The following FAM170A variants were observed in gnomAD, a reference collection of about 807,000 sequenced individuals.
The protein encoded by FAM170A is family with sequence similarity 170 member A, also known as protein FAM170A.
FAM170A carries 28 observed loss-of-function variants against 36.6 expected under a neutral mutation model. The observed-to-expected ratio is 0.76, with a 90% CI of 0.57 to 1.05. The LOEUF is 1.05. Ranked by LOEUF, FAM170A falls within the 50% of genes least tolerant of loss-of-function variation. The probability of loss-of-function intolerance (pLI) is 0.00; values close to 1 mark genes in which losing one functional copy is unlikely to be tolerated. For synonymous variants in FAM170A, 156 were observed against 143.9 expected (o/e 1.08, Z -0.60); for missense variants, 434 against 396.5 (o/e 1.09, Z -0.80).
intron 3 of FAM170A, 64 bp downstream of exon 3, chr5:119,634,798 T>TC (rs1756344459): frequency 6.8e-7 from 1 of 1,467,146 alleles, no homozygotes. Context: ...CAGTACTGTC[T>TC]CCCCAGTTCA....
chr5:119,629,885 C>T (rs1218157179), intron 1 of FAM170A, 47 bp downstream of exon 1: 2 of 1,435,308 alleles, frequency 1.4e-6, no homozygotes, highest in Admixed American at 1.8e-5. Flanking sequence ...ACTGGCCAGC[C>T]TGAGCCGCCT....
chr5:119,632,883 A>C, exon 2 of FAM170A: 2 of 1,605,010 alleles, frequency 1.2e-6, no homozygotes, highest in Admixed American at 1.7e-5. Flanking sequence ...AAGCTCATCC[A>C]CAGTGGTAAG....
chr5:119,633,730 G>A (rs188235609), intron 2 of FAM170A, among the ~76,000 whole-genome samples: 59 of 152,024 alleles, frequency 3.9e-4, no homozygotes, highest in African/African-American at 1.4e-3. Context: ...ATATGCTGCA[G>A]TCCTCACCAC....
intron 2 of FAM170A, among the ~76,000 whole-genome samples, chr5:119,633,235 A>C (rs976108383): frequency 1.3e-5 from 2 of 152,156 alleles, no homozygotes; most frequent in African/African-American, 4.8e-5. Flanking sequence ...CCATAGATCC[A>C]AGGATGAGGC....
exon 1 of FAM170A, chr5:119,629,627 T>C: frequency 1.1e-5 from 7 of 637,314 alleles, no homozygotes; most frequent in Non-Finnish European, 1.9e-5. Flanking sequence ...GTCTGAGTTC[T>C]TTAGCTATCT....
At chr5:119,633,864 A>AAAGGT (rs1756310808) in intron 2 of FAM170A, 96 bp from the exon 3 acceptor site, 1 of 1,462,988 alleles carries the variant, frequency 6.8e-7, no homozygotes, top group African/African-American at 1.4e-5. Flanking sequence ...ATCTCACCAC[A>AAAGGT]GTCCCTGTCT....
At chr5:119,632,979 G>A (rs1384078919) in intron 2 of FAM170A, 91 bp downstream of exon 2, 17 of 1,398,812 alleles carry the variant, frequency 1.2e-5, no homozygotes, top group Non-Finnish European at 1.5e-5. Flanking sequence ...CTGTGGGCAT[G>A]AGACTCTTTG....
chr5:119,631,157 T>C (rs980985589), intron 1 of FAM170A, among the ~76,000 whole-genome samples: 1 of 152,142 alleles, frequency 6.6e-6, no homozygotes, highest in Admixed American at 6.5e-5. Flanking sequence ...GAAAGGGGGA[T>C]GCTCACATGC....
At chr5:119,630,198 A>G (rs1349163538) in intron 1 of FAM170A, among the ~76,000 whole-genome samples, 4 of 113,092 alleles carry the variant, frequency 3.5e-5, no homozygotes, top group African/African-American at 1.4e-4. Flanking sequence ...TCTGTCGCCC[A>G]GGCTGGAGTG....
At chr5:119,629,757 C>G in exon 1 of FAM170A, 3 of 1,610,552 alleles carry the variant, frequency 1.9e-6, no homozygotes, top group Non-Finnish European at 2.5e-6. Context: ...AGAAACTCTT[C>G]TAGCTGATAT....
chr5:119,633,816 A>G, intron 2 of FAM170A, 144 bp from the exon 3 acceptor site: 1 of 1,072,358 alleles, frequency 9.3e-7, no homozygotes, highest in Non-Finnish European at 1.3e-6. Context: ...ACTACCCCAC[A>G]ATATGAACAA....
chr5:119,633,624 C>T lies in FAM170A; in HGVS notation c.212-336C>T, dbSNP rs940598639. On this transcript the variant is annotated intron_variant, in intron 2 of 4. Coordinates refer to ENST00000613773, the Ensembl canonical transcript of FAM170A. ...CACCCAAATGCATGACCTGCAGTGC[C>T]ATTCTCCCACACTACCTCCCACATT... 3.3e-5 allele frequency among the ~76,000 whole-genome samples: 5 copies of T among 152,150 alleles called. No individual in the cohort carries two copies. In the East Asian group the frequency reaches 9.7e-4, roughly 29 times the overall value.
chr5:119,634,610 A>C (rs773981255), exon 3 of FAM170A: 3 of 1,612,878 alleles, frequency 1.9e-6, no homozygotes, highest in Admixed American at 1.7e-5. Flanking sequence ...TGGAAATGAG[A>C]AGGAGGAGGA....
intron 3 of FAM170A, 95 bp from the exon 4 acceptor site, chr5:119,634,933 T>C: frequency 6.7e-7 from 1 of 1,503,234 alleles, no homozygotes. Flanking sequence ...AAGTCAGGAT[T>C]TGTCTTGACC....
chr5:119,634,905 T>A lies in FAM170A; in HGVS notation c.987-126T>A, dbSNP rs1030103764. 6.7e-6 allele frequency: 9 copies of A among 1,339,440 alleles called. No homozygotes were observed. In the Admixed American group the frequency reaches 1.3e-4, roughly 20 times the overall value. The allele number at this position is 1,339,440 out of a possible 1,614,324, so 83.0% of individuals were successfully genotyped here. On this transcript the variant is annotated intron_variant, in intron 3 of 4. Transcript: ENST00000613773. ...GATCCCTGCTTCTTGCCTAGGCATC[T>A]AATAAAGTCTCGATTGTAAGTCAGG...
intron 2 of FAM170A, 150 bp downstream of exon 2, chr5:119,633,038 G>C: frequency 1.3e-6 from 1 of 794,304 alleles, no homozygotes; most frequent in Non-Finnish European, 1.9e-6. Context: ...GGGCTTTTTG[G>C]GTTTGGGGCT....
chr5:119,635,287 A>G (rs1219991858), intron 4 of FAM170A, among the ~76,000 whole-genome samples: 1 of 152,198 alleles, frequency 6.6e-6, no homozygotes, highest in Non-Finnish European at 1.5e-5. Flanking sequence ...AACTTTCTCA[A>G]TGTCTGCATG....
chr5:119,629,587 C>A (rs1031630739), exon 1 of FAM170A: 3 of 501,574 alleles, frequency 6.0e-6, no homozygotes, highest in African/African-American at 5.8e-5. Context: ...GTGTAGTGGG[C>A]ACTGGGCAGT....
At chr5:119,634,603 A>C (rs768967739) in exon 3 of FAM170A, 1 of 1,613,276 alleles carries the variant, frequency 6.2e-7, no homozygotes, top group Non-Finnish European at 8.5e-7. Flanking sequence ...AGGAAAATGG[A>C]AATGAGAAGG....
Sources: allele counts gnomAD v4.1 joint callset (sites outside exome capture counted in the v4.1 genomes callset), GRCh38; gene constraint gnomAD v4.1.1; transcripts MANE v1.5; gene names NCBI Gene and HGNC (gene_info 2026-07-23, HGNC 2026-07-21).